Variants in ARHGEF26 observed in about 807,000 individuals in gnomAD.
The protein encoded by ARHGEF26 is Rho guanine nucleotide exchange factor 26, also known as Rho guanine nucleotide exchange factor (GEF) 26.
ARHGEF26 carries 59 observed loss-of-function variants against 89.4 expected under a neutral mutation model. The observed-to-expected ratio is 0.66, with a 90% CI of 0.54 to 0.82. ARHGEF26 has a LOEUF of 0.82. Ranked by LOEUF, ARHGEF26 falls within the 40% of genes least tolerant of loss-of-function variation. The pLI is 0.00. For missense variants in ARHGEF26, 1,234 were observed against 1,085.6 expected (o/e 1.14, Z -1.92); for synonymous variants, 500 against 428.4 (o/e 1.17, Z -2.06).
chr3:154,185,237 A>G (rs1713451664), intron 6 of ARHGEF26, among the ~76,000 whole-genome samples: 1 of 152,078 alleles, frequency 6.6e-6, no homozygotes, highest in African/African-American at 2.4e-5. Context: ...CGGTCCTACA[A>G]TTTAAGTTCC....
At chr3:154,189,088 C>A (rs576662589) in intron 7 of ARHGEF26, among the ~76,000 whole-genome samples, 27 of 152,196 alleles carry the variant, frequency 1.8e-4, no homozygotes, top group African/African-American at 6.5e-4. Flanking sequence ...GTGGGAACCG[C>A]TGCTATAGGA....
At chr3:154,168,409 T>A (rs1237362879) in intron 6 of ARHGEF26, among the ~76,000 whole-genome samples, 1 of 152,110 alleles carries the variant, frequency 6.6e-6, no homozygotes, top group Non-Finnish European at 1.5e-5. Context: ...AAACCCTGTC[T>A]CTACAAAGTA....
intron 9 of ARHGEF26, among the ~76,000 whole-genome samples, chr3:154,208,870 A>C (rs898566285): frequency 6.7e-6 from 1 of 149,460 alleles, no homozygotes; most frequent in African/African-American, 2.5e-5. Context: ...GATTCAAGCG[A>C]TTCTCATGCC....
intron 6 of ARHGEF26, among the ~76,000 whole-genome samples, chr3:154,183,667 G>A (rs1216647861): frequency 6.6e-6 from 1 of 152,166 alleles, no homozygotes; most frequent in African/African-American, 2.4e-5. Flanking sequence ...TTTAAATTAT[G>A]TCTTAATTAT....
At chr3:154,170,922 C>T (rs1273980476) in intron 6 of ARHGEF26, among the ~76,000 whole-genome samples, 1 of 152,146 alleles carries the variant, frequency 6.6e-6, no homozygotes, top group Non-Finnish European at 1.5e-5. Flanking sequence ...TTGGCTATTT[C>T]TGTAAATACC....
chr3:154,252,784 A>G (rs1427274472), intron 12 of ARHGEF26, among the ~76,000 whole-genome samples: 1 of 152,220 alleles, frequency 6.6e-6, no homozygotes, highest in Non-Finnish European at 1.5e-5. Flanking sequence ...GAAATGTTAA[A>G]CATCAAATTA....
chr3:154,183,977 C>CTTTTTTTTTTTTTTTTTTTTTTTTTT (rs548153454), intron 6 of ARHGEF26, among the ~76,000 whole-genome samples: 1 of 140,314 alleles, frequency 7.1e-6, no homozygotes, highest in Non-Finnish European at 1.5e-5. Flanking sequence ...AATTTTCTTT[C>CTTTTTTTTTTTTTTTTTTTTTTTTTT]TTTTTTTTTT....
intron 6 of ARHGEF26, among the ~76,000 whole-genome samples, chr3:154,170,366 AAAAAG>A (rs946008694): frequency 2.6e-5 from 4 of 152,206 alleles, no homozygotes; most frequent in South Asian, 2.1e-4. Context: ...GTCTCAAAAG[AAAAAG>A]AAAAGAAAAG....
chr3:154,222,304 G>A (rs1716182326), intron 10 of ARHGEF26, among the ~76,000 whole-genome samples: 1 of 152,074 alleles, frequency 6.6e-6, no homozygotes, highest in Non-Finnish European at 1.5e-5. Flanking sequence ...ATGATTTTCT[G>A]GAAGACTGTC....
intron 9 of ARHGEF26, among the ~76,000 whole-genome samples, chr3:154,216,559 G>T: frequency 8.4e-6 from 1 of 119,034 alleles, no homozygotes; most frequent in Admixed American, 9.0e-5. Context: ...TATACTTTAA[G>T]TTTTAGGGTA....
intron 6 of ARHGEF26, among the ~76,000 whole-genome samples, chr3:154,156,650 T>C: frequency 6.6e-6 from 1 of 152,214 alleles, no homozygotes; most frequent in South Asian, 2.1e-4. Flanking sequence ...ACAGCCTTTT[T>C]GAAATTCAAA....
chr3:154,123,107 C>G (rs1471270811), intron 2 of ARHGEF26, 32 bp downstream of exon 2: 3 of 1,609,164 alleles, frequency 1.9e-6, no homozygotes, highest in Non-Finnish European at 2.5e-6. Flanking sequence ...GCACGCCATT[C>G]ACTAAGCGGA....
chr3:154,185,034 G>A (rs1302607407), intron 6 of ARHGEF26, among the ~76,000 whole-genome samples: 4 of 152,110 alleles, frequency 2.6e-5, no homozygotes, highest in Admixed American at 1.3e-4. Flanking sequence ...GTCATCCTTC[G>A]CACTGATAAT....
intron 6 of ARHGEF26, among the ~76,000 whole-genome samples, chr3:154,180,034 T>C (rs956486395): frequency 2.6e-5 from 4 of 152,144 alleles, no homozygotes; most frequent in African/African-American, 4.8e-5. Flanking sequence ...AAGTCACTTT[T>C]GTATCGTGGC....
intron 6 of ARHGEF26, among the ~76,000 whole-genome samples, chr3:154,177,336 A>G (rs1712888815): frequency 6.6e-6 from 1 of 152,184 alleles, no homozygotes. Context: ...AAAGCCTTGT[A>G]AGAGGGTATA....
At chr3:154,242,306 T>A (rs1717520512) in intron 12 of ARHGEF26, among the ~76,000 whole-genome samples, 3 of 152,228 alleles carry the variant, frequency 2.0e-5, no homozygotes. Context: ...AAAACATTCA[T>A]AATTTCATGG....
chr3:154,205,597 C>T (rs1182318692), intron 9 of ARHGEF26, among the ~76,000 whole-genome samples: 1 of 152,106 alleles, frequency 6.6e-6, no homozygotes, highest in Non-Finnish European at 1.5e-5. Context: ...TTCTTTCCTT[C>T]CTTTTTGTCT....
chr3:154,177,884 T>C (rs1198140339), intron 6 of ARHGEF26, among the ~76,000 whole-genome samples: 1 of 152,208 alleles, frequency 6.6e-6, no homozygotes, highest in African/African-American at 2.4e-5. Flanking sequence ...CCTCCATCCA[T>C]TTCTCTAGCT....
Position 154,129,687 on chromosome 3 carries a change from C to T in ARHGEF26, c.1237C>T (p.Pro413Ser), listed in dbSNP as rs1439299929. Residue 413 changes from proline (P) to serine (S), a missense_variant, in exon 4 of 15, where the codon CCA (proline) becomes TCA (serine). Pro to Ser is a moderately conservative substitution (Grantham distance 74). Transcript: ENST00000465093. ...SDEKIVIHHK[P>S]LRSTWSQLSA... is the part of the protein sequence containing the mutation. ...TGAAAAAATTGTGATTCACCATAAG[C>T]CATTGAGATCCACATGGAGCCAACT... is the stretch of plus-strand genomic sequence containing the variant. The T allele has an allele frequency of 1.9e-6, 3 of 1,612,336 alleles. No homozygotes were observed. Among genetic ancestry groups the T allele is most frequent in the East Asian group, 2.2e-5 (1 of 44,858 alleles).
Sources: allele counts gnomAD v4.1 joint callset (sites outside exome capture counted in the v4.1 genomes callset), GRCh38; gene constraint gnomAD v4.1.1; transcripts MANE v1.5; gene names NCBI Gene and HGNC (gene_info 2026-07-23, HGNC 2026-07-21).